Variants in SOX18 observed in about 807,000 individuals in gnomAD.
SOX18 encodes the protein SRY-box transcription factor 18.
SOX18 carries 2 observed loss-of-function variants against 9.1 expected under a neutral mutation model. The observed-to-expected ratio is 0.22, with a 90% CI of 0.09 to 0.69. SOX18 has a LOEUF of 0.69. Ranked by LOEUF, SOX18 falls within the 30% of genes least tolerant of loss-of-function variation. The pLI is 0.80. For synonymous variants in SOX18, 292 were observed against 280.5 expected (o/e 1.04, Z -0.41); for missense variants, 542 against 567.3 (o/e 0.96, Z 0.45).
At position 64,049,326 on chromosome 20, in the gene SOX18, G is replaced by C; in HGVS notation, c.191C>G (p.Pro64Arg). ...GGCCGGGCTGAGGCCATAGCGCCCC[G>C]GCTCGGGGCTGCGCGGGGGACTGCG... ...PQRSPPRSPE[P>R]GRYGLSPAGR... The change falls in exon 1 of 2, where the codon CCG becomes CGG. Residue 64 changes from proline to arginine, a missense_variant. Physicochemically the swap from Pro to Arg is moderately radical, Grantham distance 103 (BLOSUM62 -2). Coordinates refer to ENST00000340356, the MANE Select transcript of SOX18 (RefSeq NM_018419.3). The C allele has an allele frequency of 7.1e-7, 1 of 1,401,910 alleles. No homozygotes were observed. The highest frequency in any genetic ancestry group is 9.4e-7 in the Non-Finnish European group (1 of 1,062,054). 86.8% of individuals were successfully genotyped at this position (1,401,910 alleles called of 1,614,324 possible).
Position 64,047,643 on chromosome 20 carries a change from C to T in SOX18, c.*523G>A, listed in dbSNP as rs911073051. On this transcript the variant is annotated 3_prime_UTR_variant, in exon 2 of 2. Coordinates refer to ENST00000340356, the MANE Select transcript of SOX18 (RefSeq NM_018419.3). Reference sequence around the variant, plus strand: ...CCGTCCGGGGACCCAGCTCCAGGCTCCTCCTTTATAGAAAGCAAACATCTG... The same window carrying T: ...CCGTCCGGGGACCCAGCTCCAGGCTTCTCCTTTATAGAAAGCAAACATCTG... 1.3e-5 allele frequency: 2 copies of T among 152,532 alleles called. No homozygotes were observed. Among genetic ancestry groups the T allele is most frequent in the African/African-American group, 4.8e-5 (2 of 41,408 alleles). The allele number at this position is 152,532 out of a possible 1,614,324, so 9.4% of individuals were successfully genotyped here. A position where few individuals can be genotyped will look rare whatever the true frequency, so the allele number is the denominator to read the frequency against.
At chr20:64,049,120 C>G in intron 1 of SOX18, 39 bp downstream of exon 1, 4 of 1,194,584 alleles carry the variant, frequency 3.3e-6, no homozygotes, top group Non-Finnish European at 4.4e-6. Context: ...GAGCCCCCCC[C>G]GCCCTCTCCC....
chr20:64,048,191 T>C lies in SOX18; in HGVS notation c.1130A>G (p.Tyr377Cys), dbSNP rs773643782. The C allele has an allele frequency of 5.1e-6, 8 of 1,563,512 alleles. No homozygotes were observed. The highest frequency in any genetic ancestry group is 2.0e-4 in the Middle Eastern group (1 of 4,984). The change falls in exon 2 of 2, where the codon TAT becomes TGT. Residue 377 changes from tyrosine (Y) to cysteine (C), a missense_variant. Transcript: ENST00000340356. ...SALSDASSAV[Y>C]YSACISG The stretch of plus-strand genomic sequence containing the variant: ...CTAGCCGGAGATGCACGCGCTGTAA[T>C]AGACCGCGCTGCTGGCGTCCGACAG...
rs2145416441 is a variant in SOX18, at chr20:64,047,924, G to A, written c.*242C>T. ...GCTCGGGCTTCCTGGAAAAGCCCCG[G>A]GACACGTGGGAACTCCAGGCACCCT... On this transcript the variant is annotated 3_prime_UTR_variant, in exon 2 of 2. Coordinates refer to ENST00000340356, the MANE Select transcript of SOX18 (RefSeq NM_018419.3). 1.4e-5 allele frequency: 8 copies of A among 573,136 alleles called. No homozygotes were observed. 35.5% of individuals were successfully genotyped at this position (573,136 alleles called of 1,614,324 possible). A position where few individuals can be genotyped will look rare whatever the true frequency, so the allele number is the denominator to read the frequency against.
In SOX18 at chr20:64,048,037, C is replaced by A. The variant is rs1003706638; in HGVS notation, c.*129G>T. ...CGGGCGCAAGGCCGAGCATCACTGG[C>A]TCCTAGGGGGCTGTGACATGGAACC... On this transcript the variant is annotated 3_prime_UTR_variant, in exon 2 of 2. Coordinates refer to ENST00000340356, the MANE Select transcript of SOX18 (RefSeq NM_018419.3). 43 of 986,652 alleles carry A rather than the reference C, an allele frequency of 4.4e-5. No individual in the cohort carries two copies. The highest frequency in any genetic ancestry group is 1.7e-5 in the Non-Finnish European group (11 of 653,068). The allele number at this position is 986,652 out of a possible 1,614,324, so 61.1% of individuals were successfully genotyped here. A position where few individuals can be genotyped will look rare whatever the true frequency, so the allele number is the denominator to read the frequency against.
Position 64,048,313 on chromosome 20 carries a change from A to C in SOX18, c.1008T>G (p.Thr336=). The change falls in exon 2 of 2, where the codon ACT becomes ACG. Residue 336 remains threonine, a synonymous_variant. Transcript: ENST00000340356. ...EFDQYLNCSR[T]RPDAPGLPYH... ...ACGGGAGCCCGGGGGCGTCGGGCCG[A>C]GTCCGGCTGCAGTTGAGGTACTGGT... is the stretch of plus-strand genomic sequence containing the variant. 1 of 1,592,236 alleles carries C rather than the reference A, an allele frequency of 6.3e-7. No homozygotes were observed. The highest frequency in any genetic ancestry group is 8.5e-7 in the Non-Finnish European group (1 of 1,171,184).
Position 64,048,017 on chromosome 20 carries a change from G to C in SOX18, c.*149C>G, listed in dbSNP as rs1242095649. 2 of 875,666 alleles carry C rather than the reference G, an allele frequency of 2.3e-6. No individual in the cohort carries two copies. The highest frequency in any genetic ancestry group is 1.5e-5 in the South Asian group (1 of 65,586). 54.2% of individuals were successfully genotyped at this position (875,666 alleles called of 1,614,324 possible). On this transcript the variant is annotated 3_prime_UTR_variant, in exon 2 of 2. Transcript: ENST00000340356. ...GGGTGGCCTGGGAGGTGGAACGGGC[G>C]CAAGGCCGAGCATCACTGGCTCCTA...
Position 64,048,661 on chromosome 20 carries a change from C to G in SOX18, c.660G>C (p.Leu220=). 7.6e-7 allele frequency: 1 copy of G among 1,308,892 alleles called. No homozygotes were observed. 81.1% of individuals were successfully genotyped at this position (1,308,892 alleles called of 1,614,324 possible). A position where few individuals can be genotyped will look rare whatever the true frequency, so the allele number is the denominator to read the frequency against. The stretch of plus-strand genomic sequence containing the variant: ...CAGCCTCGCCGGGCTCCAGGCCGTC[C>G]AGAGGCGAGCGCTCGGGCGTGGGCA... ...LGLPTPERSP[L]DGLEPGEAAF... The change falls in exon 2 of 2, where the codon CTG becomes CTC. Residue 220 remains leucine (L), a synonymous_variant. Coordinates refer to ENST00000340356, the MANE Select transcript of SOX18 (RefSeq NM_018419.3).
At chr20:64,049,093 C>CG in intron 1 of SOX18, 66 bp downstream of exon 1, 1 of 951,936 alleles carries the variant, frequency 1.1e-6, no homozygotes. Flanking sequence ...CCTGCCCCCC[C>CG]CGCCCCACCC....
At position 64,048,728 on chromosome 20, in the gene SOX18, C is replaced by G; in HGVS notation, c.593G>C (p.Arg198Pro). ...PAASGSARAF[R>P]ELPPLGAEFD... ...CTCGGCGCCCAGCGGGGGCAGCTCGCGGAAGGCGCGAGCCGAGCCAGACGC... is the reference window on the plus strand; with the variant it reads ...CTCGGCGCCCAGCGGGGGCAGCTCGGGGAAGGCGCGAGCCGAGCCAGACGC... The change falls in exon 2 of 2, where the codon CGC (arginine) becomes CCC (proline). Residue 198 changes from arginine to proline, a missense_variant. Transcript: ENST00000340356. 1 of 1,383,286 alleles carries G rather than the reference C, an allele frequency of 7.2e-7. No homozygotes were observed. The highest frequency in any genetic ancestry group is 9.3e-7 in the Non-Finnish European group (1 of 1,077,400). 85.7% of individuals were successfully genotyped at this position (1,383,286 alleles called of 1,614,324 possible).
chr20:64,049,353 T>A lies in SOX18; in HGVS notation c.164A>T (p.Gln55Leu). The A allele has an allele frequency of 9.2e-7, 1 of 1,087,048 alleles. No individual in the cohort carries two copies. Among genetic ancestry groups the A allele is most frequent in the Non-Finnish European group, 1.1e-6 (1 of 893,196 alleles). 67.3% of individuals were successfully genotyped at this position (1,087,048 alleles called of 1,614,324 possible). Residue 55 changes from glutamine (Q) to leucine (L), a missense_variant, in exon 1 of 2, where the codon CAG (glutamine) becomes CTG (leucine). Transcript: ENST00000340356. ...CTCGGGGCTGCGCGGGGGACTGCGCTGCGGGCTGGGCGGCGAGGCGGGCGC... is the reference window on the plus strand; with the variant it reads ...CTCGGGGCTGCGCGGGGGACTGCGCAGCGGGCTGGGCGGCGAGGCGGGCGC... ...PAAPASPPSP[Q>L]RSPPRSPEPG...
At position 64,048,602 on chromosome 20, in the gene SOX18, C is replaced by G. The variant is rs1284485829; in HGVS notation, c.719G>C (p.Cys240Ser). 1 of 1,241,988 alleles carries G rather than the reference C, an allele frequency of 8.1e-7. No homozygotes were observed. Among genetic ancestry groups the G allele is most frequent in the Non-Finnish European group, 1.0e-6 (1 of 995,710 alleles). The allele number at this position is 1,241,988 out of a possible 1,614,324, so 76.9% of individuals were successfully genotyped here. A position where few individuals can be genotyped will look rare whatever the true frequency, so the allele number is the denominator to read the frequency against. ...GGGCGCGCGGAAGGGCCGCAGCGCG[C>G]AGTCCTCGGGCGCCGCGGGCGGTGG... The part of the protein sequence containing the change: ...FFPPPAAPED[C>S]ALRPFRAPYA... Residue 240 changes from cysteine to serine, a missense_variant, in exon 2 of 2, where the codon TGC becomes TCC. Coordinates refer to ENST00000340356, the MANE Select transcript of SOX18 (RefSeq NM_018419.3).
In SOX18 at chr20:64,049,561, C is replaced by T; in HGVS notation, c.-45G>A. On this transcript the variant is annotated 5_prime_UTR_variant, in exon 1 of 2. Coordinates refer to ENST00000340356, the MANE Select transcript of SOX18 (RefSeq NM_018419.3). ...GGCGGAACGGAGCGCGGGAGCGCGG[C>T]GGGCGGGCGGCGGGCACTGGGGAGC... 1 of 1,025,292 alleles carries T rather than the reference C, an allele frequency of 9.8e-7. No homozygotes were observed. The highest frequency in any genetic ancestry group is 1.2e-6 in the Non-Finnish European group (1 of 853,766). 63.5% of individuals were successfully genotyped at this position (1,025,292 alleles called of 1,614,324 possible). A position where few individuals can be genotyped will look rare whatever the true frequency, so the allele number is the denominator to read the frequency against.
chr20:64,049,274 G>C lies in SOX18; in HGVS notation c.243C>G (p.Asp81Glu). 1 of 1,511,400 alleles carries C rather than the reference G, an allele frequency of 6.6e-7. No homozygotes were observed. The highest frequency in any genetic ancestry group is 8.9e-7 in the Non-Finnish European group (1 of 1,122,900). 93.6% of individuals were successfully genotyped at this position (1,511,400 alleles called of 1,614,324 possible). A position where few individuals can be genotyped will look rare whatever the true frequency, so the allele number is the denominator to read the frequency against. Residue 81 changes from aspartate (D) to glutamate (E), a missense_variant, in exon 1 of 2, where the codon GAC (aspartate) becomes GAG (glutamate). Asp to Glu is a conservative substitution (Grantham distance 45, BLOSUM62 2). Coordinates refer to ENST00000340356, the MANE Select transcript of SOX18 (RefSeq NM_018419.3). Reference sequence around the variant, plus strand: ...TCATGGGCCGCCGGATGCGCGACTCGTCTGCCGCCTGGCGTTCCCCGCGGC... The same window carrying C: ...TCATGGGCCGCCGGATGCGCGACTCCTCTGCCGCCTGGCGTTCCCCGCGGC... ...PAGRGERQAA[D>E]ESRIRRPMNA...
chr20:64,047,866 TG>T lies in SOX18; in HGVS notation c.*299del. On this transcript the variant is annotated 3_prime_UTR_variant, in exon 2 of 2. Transcript: ENST00000340356. ...AGAAAAGGAGCAGGTGCTTCAAAAA[TG>T]TAACCCTGGCAACTCTGCCAACAGG... 1 of 492,458 alleles carries T rather than the reference TG, an allele frequency of 2.0e-6. No homozygotes were observed. The highest frequency in any genetic ancestry group is 3.6e-6 in the Non-Finnish European group (1 of 277,066). 30.5% of individuals were successfully genotyped at this position (492,458 alleles called of 1,614,324 possible).
chr20:64,049,539 G>T lies in SOX18; in HGVS notation c.-23C>A. ...CATTCCAGCTGGGCGCGGCCTGGGC[G>T]GAACGGAGCGCGGGAGCGCGGCGGG... On this transcript the variant is annotated 5_prime_UTR_variant, in exon 1 of 2. Transcript: ENST00000340356. 1 of 1,064,744 alleles carries T rather than the reference G, an allele frequency of 9.4e-7. No individual in the cohort carries two copies. The highest frequency in any genetic ancestry group is 1.1e-6 in the Non-Finnish European group (1 of 883,026). The allele number at this position is 1,064,744 out of a possible 1,614,324, so 66.0% of individuals were successfully genotyped here.
At position 64,048,432 on chromosome 20, in the gene SOX18, G is replaced by C; in HGVS notation, c.889C>G (p.Leu297Val). The C allele has an allele frequency of 7.0e-7, 1 of 1,419,000 alleles. No individual in the cohort carries two copies. The highest frequency in any genetic ancestry group is 9.1e-7 in the Non-Finnish European group (1 of 1,095,360). The allele number at this position is 1,419,000 out of a possible 1,614,324, so 87.9% of individuals were successfully genotyped here. A position where few individuals can be genotyped will look rare whatever the true frequency, so the allele number is the denominator to read the frequency against. Residue 297 changes from leucine (L) to valine (V), a missense_variant, in exon 2 of 2, where the codon CTG (leucine) becomes GTG (valine). Transcript: ENST00000340356. ...LGTPGPYPGP[L>V]SPPPEAPPLE... ...GGCGGGGCCTCGGGCGGCGGCGACAGCGGGCCGGGGTACGGGCCGGGCGTG... is the reference window on the plus strand; with the variant it reads ...GGCGGGGCCTCGGGCGGCGGCGACACCGGGCCGGGGTACGGGCCGGGCGTG...
Position 64,048,529 on chromosome 20 carries a change from A to T in SOX18, c.792T>A (p.Ala264=). ...LSRDPGGCYG[A]PLAEALRTAP... is the part of the protein sequence containing the mutation. The stretch of plus-strand genomic sequence containing the variant: ...CGGTCCTGAGCGCCTCCGCCAGGGG[A>T]GCCCCGTAGCAACCGCCGGGGTCCC... The change falls in exon 2 of 2, where the codon GCT becomes GCA. Residue 264 remains alanine, a synonymous_variant. Transcript: ENST00000340356. 1 of 1,218,558 alleles carries T rather than the reference A, an allele frequency of 8.2e-7. No individual in the cohort carries two copies. The highest frequency in any genetic ancestry group is 1.0e-6 in the Non-Finnish European group (1 of 981,512). The allele number at this position is 1,218,558 out of a possible 1,614,324, so 75.5% of individuals were successfully genotyped here. A position where few individuals can be genotyped will look rare whatever the true frequency, so the allele number is the denominator to read the frequency against.
Position 64,048,196 on chromosome 20 carries a change from C to G in SOX18, c.1125G>C (p.Ala375=). The change falls in exon 2 of 2, where the codon GCG becomes GCC. Residue 375 remains alanine (A), a synonymous_variant. Coordinates refer to ENST00000340356, the MANE Select transcript of SOX18 (RefSeq NM_018419.3). ...LISALSDASS[A]VYYSACISG is the part of the protein sequence containing the mutation. ...CGGAGATGCACGCGCTGTAATAGAC[C>G]GCGCTGCTGGCGTCCGACAGCGCGG... 1 of 1,566,780 alleles carries G rather than the reference C, an allele frequency of 6.4e-7. No homozygotes were observed. The highest frequency in any genetic ancestry group is 1.2e-5 in the South Asian group (1 of 86,000).
Sources: allele counts gnomAD v4.1 joint callset, GRCh38; gene constraint gnomAD v4.1.1; transcripts MANE v1.5; gene names NCBI Gene and HGNC (gene_info 2026-07-23, HGNC 2026-07-21).